MICB: variants seen among roughly 807,000 people sequenced by gnomAD.
The protein encoded by MICB is MHC class I polypeptide-related sequence B.
In MICB, 27 loss-of-function variants were observed where a neutral mutation model predicts 34.3. The observed-to-expected ratio is 0.79, with a 90% CI of 0.58 to 1.08. The LOEUF is 1.08. Ranked by LOEUF, MICB falls within the 50% of genes least tolerant of loss-of-function variation. The pLI, the probability that MICB is intolerant of heterozygous loss-of-function variation, is 0.00. For synonymous variants in MICB, 153 were observed against 187.4 expected (o/e 0.82, Z 1.50); for missense variants, 426 against 483.1 (o/e 0.88, Z 1.11).
intron 1 of MICB, among the ~76,000 whole-genome samples, chr6:31,500,183 A>T (rs1764943132): frequency 6.6e-6 from 1 of 151,470 alleles, no homozygotes; most frequent in African/African-American, 2.4e-5. Context: ...TTGGGGTGCC[A>T]CTGCTCCCCC....
intron 1 of MICB, among the ~76,000 whole-genome samples, chr6:31,501,829 C>T (rs1425068907): frequency 1.3e-5 from 2 of 152,184 alleles, no homozygotes; most frequent in Non-Finnish European, 2.9e-5. Flanking sequence ...GTTTTGATTA[C>T]TCTAGCTCTG....
chr6:31,500,314 T>G (rs4947321), intron 1 of MICB, among the ~76,000 whole-genome samples: 51,148 of 151,564 alleles, frequency 0.34, 8,766 homozygotes, highest in East Asian at 0.46. Flanking sequence ...TAACTTTTGT[T>G]TGGGTACGTA....
At chr6:31,499,314 C>G (rs1475090948) in intron 1 of MICB, among the ~76,000 whole-genome samples, 1 of 152,068 alleles carries the variant, frequency 6.6e-6, no homozygotes, top group Non-Finnish European at 1.5e-5. Flanking sequence ...CCCTGCCCAT[C>G]TTACGGCGCC....
intron 1 of MICB, among the ~76,000 whole-genome samples, chr6:31,504,516 C>T (rs1263812116): frequency 7.1e-6 from 1 of 140,618 alleles, no homozygotes; most frequent in Non-Finnish European, 1.6e-5. Flanking sequence ...GCCTCGGCCT[C>T]CCAAAGTGCT....
At chr6:31,504,766 A>C (rs1403045881) in intron 1 of MICB, among the ~76,000 whole-genome samples, 1 of 152,094 alleles carries the variant, frequency 6.6e-6, no homozygotes, top group African/African-American at 2.4e-5. Context: ...TGAACATTAT[A>C]CCCAATGTTT....
At chr6:31,509,756 C>A (rs951396457) in intron 5 of MICB, 26 bp from the exon 6 acceptor site, 1 of 1,593,396 alleles carries the variant, frequency 6.3e-7, no homozygotes, top group Non-Finnish European at 8.5e-7. Flanking sequence ...CCCAGTGGAG[C>A]ATTTACCCGT....
At position 31,500,375 on chromosome 6, in the gene MICB, G is replaced by C. The variant is rs551300110; in HGVS notation, c.70+2112G>C. On this transcript the variant is annotated intron_variant, in intron 1 of 5. Transcript: ENST00000252229. ...GGGTACATGGGATATTTTGACACAG[G>C]CCTACAATATGTCATAATCACATCA... Among the ~76,000 whole-genome samples the C allele has an allele frequency of 2.0e-5, 3 of 152,122 alleles. No homozygotes were observed. The South Asian group carries it at 6.2e-4, about 32-fold the overall frequency.
At chr6:31,497,685 G>A (rs1764739831), upstream of MICB, among the ~76,000 whole-genome samples, 1 of 152,182 alleles carries the variant, frequency 6.6e-6, no homozygotes, top group South Asian at 2.1e-4. Flanking sequence ...TTGCAGTAAC[G>A]CTGTGCGCGG....
intron 1 of MICB, 63 bp from the exon 2 acceptor site, chr6:31,505,554 G>A: frequency 6.3e-7 from 1 of 1,595,242 alleles, no homozygotes; most frequent in Non-Finnish European, 8.5e-7. Context: ...AGACCTGTGT[G>A]TTAAACATCA....
upstream of MICB, chr6:31,498,125 G>T: frequency 7.4e-6 from 10 of 1,343,778 alleles, no homozygotes; most frequent in Non-Finnish European, 1.0e-5. Context: ...AAATTTCGAC[G>T]GGGTCTTCTC....
chr6:31,499,340 C>G (rs576971272), intron 1 of MICB, among the ~76,000 whole-genome samples: 1 of 152,174 alleles, frequency 6.6e-6, no homozygotes, highest in East Asian at 1.9e-4. Context: ...TCCTGTTGCT[C>G]TCCCAGCTCC....
intron 1 of MICB, among the ~76,000 whole-genome samples, chr6:31,503,986 T>TGTGTGTGTGTGA (rs1371417972): frequency 4.7e-4 from 69 of 147,894 alleles, no homozygotes; most frequent in African/African-American, 1.4e-3. Context: ...TGTGTGTGTG[T>TGTGTGTGTGTGA]GATAATAGCC....
At chr6:31,503,401 A>T (rs1366895414) in intron 1 of MICB, among the ~76,000 whole-genome samples, 4 of 152,068 alleles carry the variant, frequency 2.6e-5, no homozygotes, top group Admixed American at 2.0e-4. Flanking sequence ...GGCATTAGAT[A>T]CATTCACATT....
rs1443486705 is a variant in MICB, at chr6:31,507,586, G to A, written c.1024+55G>A. 1.9e-6 allele frequency: 3 copies of A among 1,605,888 alleles called. No homozygotes were observed. Among genetic ancestry groups the A allele is most frequent in the Non-Finnish European group, 2.6e-6 (3 of 1,173,922 alleles). ...GGAAAGCTCCTTTCTAGGCAGTAGGGTCTCCTCATTGCTCCTGCCCAGACA... is the reference window on the plus strand; with the variant it reads ...GGAAAGCTCCTTTCTAGGCAGTAGGATCTCCTCATTGCTCCTGCCCAGACA... On this transcript the variant is annotated intron_variant, in intron 5 of 5. Transcript: ENST00000252229. This position sits in a 1 kb window ranked among gnomAD's most constrained non-coding sequence, Gnocchi z 6.0.
Position 31,507,665 on chromosome 6 carries a change from A to T in MICB, c.1024+134A>T. On this transcript the variant is annotated intron_variant, in intron 5 of 5. Coordinates refer to ENST00000252229, the MANE Select transcript of MICB (RefSeq NM_005931.5). The surrounding 1 kb of genome is among the most constrained non-coding windows in gnomAD (Gnocchi z 6.0). ...GGGGATGGAAGCTGGGGTATTTGGGAGGGGAATGGGAGCTGCATCTCCATC... is the reference window on the plus strand; with the variant it reads ...GGGGATGGAAGCTGGGGTATTTGGGTGGGGAATGGGAGCTGCATCTCCATC... 9.5e-7 allele frequency: 1 copy of T among 1,057,908 alleles called. No individual in the cohort carries two copies. The highest frequency in any genetic ancestry group is 1.4e-6 in the Non-Finnish European group (1 of 739,446). The allele number at this position is 1,057,908 out of a possible 1,614,324, so 65.5% of individuals were successfully genotyped here. A position where few individuals can be genotyped will look rare whatever the true frequency, so the allele number is the denominator to read the frequency against.
In MICB at chr6:31,510,112, A is replaced by T; in HGVS notation, c.*203A>T. ...GGGATCATGACCAACTCAACATTCC[A>T]TTGGAGGCTATATGATCAAACAGCA... On this transcript the variant is annotated 3_prime_UTR_variant, in exon 6 of 6. Transcript: ENST00000252229. 2 of 483,116 alleles carry T rather than the reference A, an allele frequency of 4.1e-6. No homozygotes were observed. The highest frequency in any genetic ancestry group is 7.0e-6 in the Non-Finnish European group (2 of 284,268). The allele number at this position is 483,116 out of a possible 1,614,324, so 29.9% of individuals were successfully genotyped here.
Position 31,509,796 on chromosome 6 carries a change from C to T in MICB, c.1039C>T (p.Gln347Ter), listed in dbSNP as rs777497593. Residue 347 changes from glutamine to a stop codon, truncating the protein, a stop_gained, in exon 6 of 6, where the codon CAG (glutamine) becomes TAG (stop). Transcript: ENST00000252229. LOFTEE classifies it low-confidence loss of function (END_TRUNC). ...AAEGPELVSL[Q>*]VLDQHPVGTG... ...CTCTTCTCCAGAGCTTGTGAGCCTG[C>T]AGGTCCTGGATCAACACCCAGTTGG... is the stretch of plus-strand genomic sequence containing the variant. 3 of 1,611,392 alleles carry T rather than the reference C, an allele frequency of 1.9e-6. No individual in the cohort carries two copies. The Admixed American group carries it at 5.0e-5, about 27-fold the overall frequency.
In MICB at chr6:31,507,309, G is replaced by A. The variant is rs1452209080; in HGVS notation, c.892+9G>A. ...TCACCCTGTGCCCTCTGGTGAGCCT[G>A]GGGTGACCCTGGAGAGGGTCAGGCC... On this transcript the variant is annotated intron_variant, in intron 4 of 5. Coordinates refer to ENST00000252229, the MANE Select transcript of MICB (RefSeq NM_005931.5). The surrounding 1 kb of genome is among the most constrained non-coding windows in gnomAD (Gnocchi z 6.0). 5.0e-6 allele frequency: 8 copies of A among 1,612,566 alleles called. No homozygotes were observed. The highest frequency in any genetic ancestry group is 4.5e-5 in the East Asian group (2 of 44,846).
chr6:31,507,806 C>G lies in MICB; in HGVS notation c.1024+275C>G, dbSNP rs944403217. On this transcript the variant is annotated intron_variant, in intron 5 of 5. Transcript: ENST00000252229. This position sits in a 1 kb window ranked among gnomAD's most constrained non-coding sequence, Gnocchi z 6.0. ...AGCAGGGAGGGCTGTGGCACCTGCT[C>G]TGTCCCCATCCCAGCCTCTCTGTCT... 2.0e-5 allele frequency among the ~76,000 whole-genome samples: 3 copies of G among 152,022 alleles called. No homozygotes were observed. Among genetic ancestry groups the G allele is most frequent in the African/African-American group, 7.3e-5 (3 of 41,360 alleles).
Sources: gnomAD v4.1 joint callset for allele counts (sites outside exome capture counted in the v4.1 genomes callset) on GRCh38, gnomAD v4.1.1 for gene constraint, Gnocchi (gnomAD v3.1) non-coding constraint, MANE v1.5 for transcripts, NCBI Gene and HGNC (gene_info 2026-07-23, HGNC 2026-07-21) for gene names.